SEL1L3: variants seen among roughly 807,000 people sequenced by gnomAD.
The protein encoded by SEL1L3 is protein sel-1 homolog 3.
Under a neutral mutation model 142.8 loss-of-function variants are expected in SEL1L3, and 76 were observed. The ratio of observed to expected loss-of-function variants is 0.53; its 90% CI spans 0.44 to 0.64. The LOEUF (loss-of-function observed/expected upper bound fraction) is 0.64, where lower values mean the gene tolerates loss of function less well. Among genes scored for constraint, SEL1L3 ranks in the 30% least tolerant of loss-of-function variants. The probability of loss-of-function intolerance (pLI) is 0.00; values close to 1 mark genes in which losing one functional copy is unlikely to be tolerated. For synonymous variants in SEL1L3, 504 were observed against 519.6 expected (o/e 0.97, Z 0.41); for missense variants, 1,262 against 1,381.7 (o/e 0.91, Z 1.37).
At chr4:25,846,344 C>A (rs1014088033) in intron 2 of SEL1L3, among the ~76,000 whole-genome samples, 1 of 152,238 alleles carries the variant, frequency 6.6e-6, no homozygotes, top group Non-Finnish European at 1.5e-5. Flanking sequence ...TGGACTCTAT[C>A]ATCATCACAG....
At chr4:25,838,924 T>C in intron 2 of SEL1L3, among the ~76,000 whole-genome samples, 1 of 152,242 alleles carries the variant, frequency 6.6e-6, no homozygotes, top group African/African-American at 2.4e-5. Flanking sequence ...AACACTTCTG[T>C]GTAACAAAAC....
chr4:25,749,924 G>C (rs997512899), intron 23 of SEL1L3, among the ~76,000 whole-genome samples: 1 of 152,188 alleles, frequency 6.6e-6, no homozygotes, highest in African/African-American at 2.4e-5. Context: ...TGCATCCATA[G>C]TAAAGATTTA....
chr4:25,863,297 T>G, upstream of SEL1L3: 1 of 225,428 alleles, frequency 4.4e-6, no homozygotes, highest in East Asian at 1.9e-4. Flanking sequence ...ATCCCCCTCC[T>G]CTCCCTCCGG....
intron 11 of SEL1L3, among the ~76,000 whole-genome samples, chr4:25,795,717 T>G (rs553627574): frequency 6.6e-6 from 1 of 152,038 alleles, no homozygotes; most frequent in African/African-American, 2.4e-5. Flanking sequence ...CAGGTGGGGG[T>G]TGCCTTCTCC....
At chr4:25,760,028 G>A (rs1410858892) in intron 20 of SEL1L3, 2 of 152,062 alleles carry the variant, frequency 1.3e-5, no homozygotes, top group African/African-American at 4.8e-5. Context: ...TTGTCACCCA[G>A]GTACTAAGCC....
At chr4:25,716,150 C>T in the SEL1L3 span, among the ~76,000 whole-genome samples, 2 of 151,608 alleles carry the variant, frequency 1.3e-5, no homozygotes, top group Non-Finnish European at 1.5e-5. Flanking sequence ...AGAAAAGATT[C>T]GTATCCAGAG....
At chr4:25,802,550 T>C (rs1000176023) in intron 10 of SEL1L3, 88 bp from the exon 11 acceptor site, 2 of 1,090,418 alleles carry the variant, frequency 1.8e-6, no homozygotes, top group East Asian at 2.4e-5. Context: ...GCCCAATTCC[T>C]ATATACAATC....
chr4:25,836,659 A>G (rs1356721366), intron 2 of SEL1L3, among the ~76,000 whole-genome samples: 4 of 152,200 alleles, frequency 2.6e-5, no homozygotes, highest in Non-Finnish European at 5.9e-5. Flanking sequence ...CTCAAAAAAA[A>G]GGGATACTTT....
At chr4:25,762,942 C>T (rs1718475576) in intron 20 of SEL1L3, among the ~76,000 whole-genome samples, 1 of 150,224 alleles carries the variant, frequency 6.7e-6, no homozygotes, top group Admixed American at 6.7e-5. Flanking sequence ...TGCCACTGCA[C>T]TCCAGCCTGG....
chr4:25,833,888 CA>C (rs1715602553), intron 3 of SEL1L3, among the ~76,000 whole-genome samples: 1 of 152,088 alleles, frequency 6.6e-6, no homozygotes, highest in Non-Finnish European at 1.5e-5. Context: ...CTTACAAAGT[CA>C]GACATAGATT....
Position 25,782,354 on chromosome 4 carries a change from T to C in SEL1L3, c.2345A>G (p.Lys782Arg). Reference sequence around the variant, plus strand: ...TGCTTTTAACCAGTACTTTGCTGCTTTGGCGTAATTTTTCTTGAATTTGTG... The same window carrying C: ...TGCTTTTAACCAGTACTTTGCTGCTCTGGCGTAATTTTTCTTGAATTTGTG... ...YYHKFKKNYA[K>R]AAKYWLKAEE... The change falls in exon 15 of 24, where the codon AAA (lysine) becomes AGA (arginine). Residue 782 changes from lysine (K) to arginine (R), a missense_variant. Lys to Arg is a conservative substitution (Grantham distance 26). This residue lies in a region of SEL1L3 where 435 missense variants were observed against 559.2 expected (regional missense o/e 0.78). Coordinates refer to ENST00000399878, the MANE Select transcript of SEL1L3 (RefSeq NM_015187.5). 1 of 1,613,894 alleles carries C rather than the reference T, an allele frequency of 6.2e-7. No homozygotes were observed. The highest frequency in any genetic ancestry group is 8.5e-7 in the Non-Finnish European group (1 of 1,179,788).
chr4:25,741,513 CTT>C, the SEL1L3 span, among the ~76,000 whole-genome samples: 100 of 152,256 alleles, frequency 6.6e-4, no homozygotes, highest in Admixed American at 1.2e-3. Flanking sequence ...TACTTTAAGT[CTT>C]TAGATTTTCT....
chr4:25,851,925 T>C (rs1412221060), intron 1 of SEL1L3, among the ~76,000 whole-genome samples: 1 of 148,502 alleles, frequency 6.7e-6, no homozygotes, highest in Non-Finnish European at 1.5e-5. Context: ...GTGGAAACTA[T>C]GTCTTCTGCA....
chr4:25,804,673 A>C lies in SEL1L3; in HGVS notation c.1644T>G (p.Ile548Met). The C allele has an allele frequency of 6.2e-7, 1 of 1,613,572 alleles. No homozygotes were observed. The highest frequency in any genetic ancestry group is 8.5e-7 in the Non-Finnish European group (1 of 1,179,456). ...FEKAVKRLSS[I>M]DGLHQISSIV... ...TAGAGCTAATTTGGTGAAGACCATC[A>C]ATGCTAGAGAGTCTCTTTACAGCCT... Residue 548 changes from isoleucine to methionine, a missense_variant, in exon 10 of 24, where the codon ATT (isoleucine) becomes ATG (methionine). Physicochemically the swap from Ile to Met is conservative, Grantham distance 10. Coordinates refer to ENST00000399878, the MANE Select transcript of SEL1L3 (RefSeq NM_015187.5).
At chr4:25,818,364 C>A in intron 8 of SEL1L3, 86 bp from the exon 9 acceptor site, 1 of 1,174,996 alleles carries the variant, frequency 8.5e-7, no homozygotes, top group South Asian at 2.0e-5. Context: ...CTAACAGGAA[C>A]TAGAAAGACT....
At chr4:25,820,094 G>A (rs1274070351) in intron 7 of SEL1L3, among the ~76,000 whole-genome samples, 154 bp from the exon 8 acceptor site, 1 of 152,192 alleles carries the variant, frequency 6.6e-6, no homozygotes, top group Non-Finnish European at 1.5e-5. Context: ...TGCAAAGCAA[G>A]GTCATTGGTA....
At chr4:25,778,986 A>G in intron 16 of SEL1L3, 90 bp downstream of exon 16, 1 of 1,222,272 alleles carries the variant, frequency 8.2e-7, no homozygotes. Flanking sequence ...ACAACTGGTA[A>G]AAATAAAGAA....
chr4:25,725,056 T>C, the SEL1L3 span, among the ~76,000 whole-genome samples: 1 of 152,086 alleles, frequency 6.6e-6, no homozygotes, highest in Non-Finnish European at 1.5e-5. Context: ...AATGGCTTCC[T>C]GGGAGGTGGA....
chr4:25,854,675 T>A (rs536036629), intron 1 of SEL1L3, among the ~76,000 whole-genome samples: 1 of 152,300 alleles, frequency 6.6e-6, no homozygotes, highest in East Asian at 1.9e-4. Context: ...ACGGGGTGAA[T>A]AGCTCAACTG....
Sources: allele counts gnomAD v4.1 joint callset (sites outside exome capture counted in the v4.1 genomes callset), GRCh38; gene constraint gnomAD v4.1.1; regional missense constraint gnomAD v4.1.1; transcripts MANE v1.5; gene names NCBI Gene and HGNC (gene_info 2026-07-23, HGNC 2026-07-21).